The following OPCML variants were observed in gnomAD, a reference collection of about 807,000 sequenced individuals.
OPCML encodes the protein opioid-binding protein/cell adhesion molecule.
Under a neutral mutation model 37.8 loss-of-function variants are expected in OPCML, and 13 were observed. The ratio of observed to expected loss-of-function variants is 0.34; its 90% CI spans 0.22 to 0.55. The LOEUF (loss-of-function observed/expected upper bound fraction) is 0.55. OPCML is among the 20% of genes least tolerant of loss of function. The probability of loss-of-function intolerance (pLI) is 0.91; values close to 1 mark genes in which losing one functional copy is unlikely to be tolerated. For missense variants in OPCML, 341 were observed against 435.6 expected (o/e 0.78, Z 1.93); for synonymous variants, 176 against 168.8 (o/e 1.04, Z -0.33).
chr11:133,528,833 A>G (rs1009154250), intron 1 of OPCML, among the ~76,000 whole-genome samples: 9 of 152,182 alleles, frequency 5.9e-5, no homozygotes, highest in African/African-American at 2.2e-4. Context: ...TCCCCTGCTT[A>G]GAGTCACAAG....
intron 2 of OPCML, among the ~76,000 whole-genome samples, chr11:132,873,405 A>G (rs1427387842): frequency 6.6e-6 from 1 of 152,138 alleles, no homozygotes; most frequent in African/African-American, 2.4e-5. Context: ...CCCCAGGTGT[A>G]GGCATGCCCC....
chr11:132,882,220 C>T (rs1270362534), intron 2 of OPCML, among the ~76,000 whole-genome samples: 1 of 152,154 alleles, frequency 6.6e-6, no homozygotes, highest in Admixed American at 6.5e-5. Context: ...CAACTTGATC[C>T]AAGTGTAAAC....
At position 132,562,772 on chromosome 11, in the gene OPCML, G is replaced by A. The variant is rs1013535897; in HGVS notation, c.380-33586C>T. ...CTATCTGGGAGACCTTTGGGTTGGG[G>A]GGTGCATTTCATCATAGGGCTAATA... On this transcript the variant is annotated intron_variant, in intron 3 of 7. Transcript: ENST00000524381. 3.3e-5 allele frequency among the ~76,000 whole-genome samples: 5 copies of A among 151,974 alleles called. No individual in the cohort carries two copies. In the East Asian group the frequency reaches 5.8e-4, roughly 18 times the overall value.
intron 2 of OPCML, among the ~76,000 whole-genome samples, chr11:132,885,628 AT>A (rs1231525727): frequency 3.3e-5 from 5 of 152,230 alleles, no homozygotes; most frequent in African/African-American, 9.6e-5. Flanking sequence ...TATTAAAAAA[AT>A]AATTTTTACT....
At chr11:132,493,281 A>C (rs2096221719) in intron 4 of OPCML, among the ~76,000 whole-genome samples, 1 of 152,158 alleles carries the variant, frequency 6.6e-6, no homozygotes, top group South Asian at 2.1e-4. Flanking sequence ...GGAAGAGGGA[A>C]GAGAAGGGCT....
At chr11:133,344,193 A>G (rs1388729290) in intron 1 of OPCML, among the ~76,000 whole-genome samples, 2 of 151,770 alleles carry the variant, frequency 1.3e-5, no homozygotes, top group African/African-American at 2.4e-5. Context: ...AGCAGCCCTC[A>G]CTCCTGCTAG....
At chr11:133,255,098 G>C (rs1941267902) in intron 1 of OPCML, among the ~76,000 whole-genome samples, 1 of 152,120 alleles carries the variant, frequency 6.6e-6, no homozygotes, top group South Asian at 2.1e-4. Flanking sequence ...ACAAGGAGTT[G>C]CTGTGCCATC....
chr11:133,369,971 A>T (rs1330999422), intron 1 of OPCML, among the ~76,000 whole-genome samples: 1 of 152,230 alleles, frequency 6.6e-6, no homozygotes, highest in Non-Finnish European at 1.5e-5. Flanking sequence ...TACAAAATTC[A>T]TTTATGTTCC....
At chr11:133,293,971 T>A (rs1942557063) in intron 1 of OPCML, among the ~76,000 whole-genome samples, 6 of 150,354 alleles carry the variant, frequency 4.0e-5, no homozygotes, top group Admixed American at 4.0e-4. Flanking sequence ...AAGAAAAATA[T>A]TGGAGCAGGT....
At chr11:132,466,416 G>A (rs1398057422) in intron 4 of OPCML, among the ~76,000 whole-genome samples, 1 of 151,656 alleles carries the variant, frequency 6.6e-6, no homozygotes, top group Non-Finnish European at 1.5e-5. Flanking sequence ...CCCGCGAGGC[G>A]GAGCTTGCAG....
intron 1 of OPCML, among the ~76,000 whole-genome samples, chr11:133,213,065 C>T (rs533772099): frequency 5.3e-5 from 8 of 152,182 alleles, no homozygotes; most frequent in Admixed American, 1.3e-4. Context: ...CAGTAGCTGC[C>T]GCTATGATGT....
chr11:133,007,829 G>A, intron 1 of OPCML: 1 of 985,404 alleles, frequency 1.0e-6, no homozygotes, highest in Non-Finnish European at 1.2e-6. Flanking sequence ...TCAGCTTTTT[G>A]CAGTTGATAC....
chr11:133,486,807 GCTCT>G (rs150525574), intron 1 of OPCML, among the ~76,000 whole-genome samples: 17 of 148,498 alleles, frequency 1.1e-4, no homozygotes, highest in African/African-American at 2.7e-4. Flanking sequence ...CCTCTGGCTT[GCTCT>G]CTCTCTCTCT....
intron 2 of OPCML, among the ~76,000 whole-genome samples, chr11:132,733,800 C>T (rs1449640524): frequency 6.6e-6 from 1 of 152,130 alleles, no homozygotes; most frequent in South Asian, 2.1e-4. Context: ...AGAAAAGAAA[C>T]TAGCCCACGG....
At chr11:133,093,263 C>T (rs1413345231) in intron 1 of OPCML, among the ~76,000 whole-genome samples, 2 of 150,506 alleles carry the variant, frequency 1.3e-5, no homozygotes, top group Admixed American at 6.6e-5. Flanking sequence ...TCCAATGTAT[C>T]GTTCTTTTTT....
intron 3 of OPCML, among the ~76,000 whole-genome samples, chr11:132,584,577 T>C (rs1364706364): frequency 1.3e-5 from 2 of 152,152 alleles, no homozygotes; most frequent in Admixed American, 1.3e-4. Context: ...CTGGATTCTG[T>C]TTATGTATGT....
At chr11:133,426,441 T>A (rs1264494869) in intron 1 of OPCML, among the ~76,000 whole-genome samples, 1 of 152,182 alleles carries the variant, frequency 6.6e-6, no homozygotes, top group East Asian at 1.9e-4. Flanking sequence ...CTCTATTTTT[T>A]CTGTTCTATC....
intron 1 of OPCML, among the ~76,000 whole-genome samples, chr11:133,145,437 G>A (rs958027795): frequency 3.3e-5 from 5 of 152,152 alleles, no homozygotes; most frequent in Non-Finnish European, 7.3e-5. Context: ...TATTAAATTG[G>A]TCAGCAAGCA....
chr11:133,294,734 G>T (rs928879575), intron 1 of OPCML, among the ~76,000 whole-genome samples: 10 of 145,804 alleles, frequency 6.9e-5, no homozygotes, highest in Non-Finnish European at 1.3e-4. Flanking sequence ...AAAGGGTAAT[G>T]AATTAATATG....
Sources: gnomAD v4.1 joint callset for allele counts (sites outside exome capture counted in the v4.1 genomes callset) on GRCh38, gnomAD v4.1.1 for gene constraint, MANE v1.5 for transcripts, NCBI Gene and HGNC (gene_info 2026-07-23, HGNC 2026-07-21) for gene names.